ENPP4: variants seen among roughly 807,000 people sequenced by gnomAD.
The protein encoded by ENPP4 is ectonucleotide pyrophosphatase/phosphodiesterase 4.
ENPP4 carries 18 observed loss-of-function variants against 33.4 expected under a neutral mutation model. The ratio of observed to expected loss-of-function variants is 0.54; its 90% CI spans 0.37 to 0.80. The LOEUF (loss-of-function observed/expected upper bound fraction) is 0.80. Ranked by LOEUF, ENPP4 falls within the 30% of genes least tolerant of loss-of-function variation. ENPP4 has a pLI of 0.00. For missense variants in ENPP4, 480 were observed against 541.7 expected (o/e 0.89, Z 1.13); for synonymous variants, 172 against 189.9 (o/e 0.91, Z 0.78).
Position 46,140,180 on chromosome 6 carries a change from TAAAG to T in ENPP4, c.601_604del (p.Glu201ThrfsTer2). 1.9e-6 allele frequency: 3 copies of T among 1,612,542 alleles called. No individual in the cohort carries two copies. The highest frequency in any genetic ancestry group is 8.5e-7 in the Non-Finnish European group (1 of 1,179,060). ...GTGGCCACAAATACGGACCTGAAGA[TAAAG>T]AAAACATGAGCAGAGTGTTGAAAAA... On this transcript the variant is annotated frameshift_variant, in exon 2 of 4. Transcript: ENST00000321037. LOFTEE classifies it high-confidence loss of function.
Position 46,146,563 on chromosome 6 carries a change from CTTAAT to C in ENPP4, c.*2928_*2932del, listed in dbSNP as rs1764142129. 6.6e-6 allele frequency: 1 copy of C among 152,192 alleles called. No homozygotes were observed. The allele number at this position is 152,192 out of a possible 1,614,324, so 9.4% of individuals were successfully genotyped here. The stretch of plus-strand genomic sequence containing the variant: ...CTTTAAAGAAATGTGTATGTAGTGC[CTTAAT>C]TTAAATTAAAATATTTTTGACTGTT... On this transcript the variant is annotated 3_prime_UTR_variant, in exon 4 of 4. Transcript: ENST00000321037.
intron 3 of ENPP4, among the ~76,000 whole-genome samples, 163 bp downstream of exon 3, chr6:46,141,385 A>G (rs1324642068): frequency 6.6e-6 from 1 of 151,714 alleles, no homozygotes; most frequent in African/African-American, 2.4e-5. Flanking sequence ...AGCAATTTAC[A>G]GTAATCACAA....
Position 46,143,841 on chromosome 6 carries a change from G to A in ENPP4, c.*201G>A, listed in dbSNP as rs1261967701. On this transcript the variant is annotated 3_prime_UTR_variant, in exon 4 of 4. Transcript: ENST00000321037. ...AGATAACGCTGACCATAGTAAAATT[G>A]TTAGTAAATCATTAGGTAACATCTT... 1.0e-5 allele frequency: 5 copies of A among 497,360 alleles called. No individual in the cohort carries two copies. The South Asian group carries it at 1.0e-4, about 10-fold the overall frequency. 30.8% of individuals were successfully genotyped at this position (497,360 alleles called of 1,614,324 possible).
At chr6:46,140,525 A>G in intron 2 of ENPP4, 116 bp downstream of exon 2, 1 of 627,600 alleles carries the variant, frequency 1.6e-6, no homozygotes. Flanking sequence ...CCATATACTC[A>G]GAGTGGGATT....
At chr6:46,140,993 CAT>C in intron 2 of ENPP4, 57 bp from the exon 3 acceptor site, 1 of 1,042,906 alleles carries the variant, frequency 9.6e-7, no homozygotes. Context: ...TCTAGTTAGA[CAT>C]ATTTTTTCCT....
At chr6:46,138,188 C>A (rs1764002885) in intron 1 of ENPP4, among the ~76,000 whole-genome samples, 1 of 151,796 alleles carries the variant, frequency 6.6e-6, no homozygotes, top group South Asian at 2.1e-4. Context: ...TTGACTTCAC[C>A]AGAACCTCTA....
rs181396434 is a variant in ENPP4 at position 46,145,764 on chromosome 6, C to G, written c.*2124C>G. ...TTCAACAAGACATTTACCTATTTGT[C>G]TTTCCTTACGTTCTCAAAATATTAA... On this transcript the variant is annotated 3_prime_UTR_variant, in exon 4 of 4. Coordinates refer to ENST00000321037, the MANE Select transcript of ENPP4 (RefSeq NM_014936.5). 19 of 151,954 alleles carry G rather than the reference C, an allele frequency of 1.3e-4. No homozygotes were observed. The highest frequency in any genetic ancestry group is 4.1e-4 in the African/African-American group (17 of 41,506). 9.4% of individuals were successfully genotyped at this position (151,954 alleles called of 1,614,324 possible).
rs1221420912 is a variant in ENPP4, at chr6:46,145,113, A to G, written c.*1473A>G. Reference sequence around the variant, plus strand: ...ATCTTTAAAGTTTTGACAATATAAAATAAACTTGGTAACTGTTTTACAAAT... The same window carrying G: ...ATCTTTAAAGTTTTGACAATATAAAGTAAACTTGGTAACTGTTTTACAAAT... On this transcript the variant is annotated 3_prime_UTR_variant, in exon 4 of 4. Transcript: ENST00000321037. 1 of 388,728 alleles carries G rather than the reference A, an allele frequency of 2.6e-6. No homozygotes were observed. Among genetic ancestry groups the G allele is most frequent in the Admixed American group, 4.5e-5 (1 of 22,460 alleles). The allele number at this position is 388,728 out of a possible 1,614,324, so 24.1% of individuals were successfully genotyped here.
chr6:46,137,346 G>A (rs2127492302), intron 1 of ENPP4, among the ~76,000 whole-genome samples: 1 of 151,958 alleles, frequency 6.6e-6, no homozygotes, highest in Non-Finnish European at 1.5e-5. Flanking sequence ...CTCTGTGATT[G>A]GAAAGAAATA....
At chr6:46,143,006 T>G (rs1003934902) in intron 3 of ENPP4, among the ~76,000 whole-genome samples, 1 of 151,644 alleles carries the variant, frequency 6.6e-6, no homozygotes. Flanking sequence ...TAATTGGTAC[T>G]CGGGCTGAAA....
rs751766694 is a variant in ENPP4, at chr6:46,140,105, G to A, written c.522G>A (p.Ser174=). Residue 174 remains serine (S), a synonymous_variant, in exon 2 of 4, where the codon TCG becomes TCA. Transcript: ENST00000321037. The stretch of plus-strand genomic sequence containing the variant: ...ATATTACTATGTGGCTAAACAATTC[G>A]AACCCACCAGTCACCTTTGCAACAC... ...LNNITMWLNN[S]NPPVTFATLY... The A allele has an allele frequency of 2.7e-5, 44 of 1,612,244 alleles. No homozygotes were observed. The highest frequency in any genetic ancestry group is 3.3e-4 in the Middle Eastern group (2 of 6,076).
At chr6:46,130,709 G>C (rs1763882403) in intron 1 of ENPP4, among the ~76,000 whole-genome samples, 1 of 152,212 alleles carries the variant, frequency 6.6e-6, no homozygotes. Flanking sequence ...TAAAGGGCTG[G>C]ATTAAAAGCA....
In ENPP4 at chr6:46,143,795, G is replaced by GT. The variant is rs1764104879; in HGVS notation, c.*158dup. 1 of 773,228 alleles carries GT rather than the reference G, an allele frequency of 1.3e-6. No individual in the cohort carries two copies. Among genetic ancestry groups the GT allele is most frequent in the Admixed American group, 3.0e-5 (1 of 33,364 alleles). The allele number at this position is 773,228 out of a possible 1,614,324, so 47.9% of individuals were successfully genotyped here. ...TATTACTTTGTTTTCCTTGTGTTTTGTTTCGGTGCATTTGCTAATAAGATA... is the reference window on the plus strand; with the variant it reads ...TATTACTTTGTTTTCCTTGTGTTTTGTTTTCGGTGCATTTGCTAATAAGATA... On this transcript the variant is annotated 3_prime_UTR_variant, in exon 4 of 4. Coordinates refer to ENST00000321037, the MANE Select transcript of ENPP4 (RefSeq NM_014936.5).
In ENPP4 at chr6:46,140,289, A is replaced by G; in HGVS notation, c.706A>G (p.Ser236Gly). ...LWENLNVIIT[S>G]DHGMTQCSQD... ...GGAAAATCTTAATGTGATCATTACA[A>G]GTGATCATGGGATGACCCAGTGTTC... is the stretch of plus-strand genomic sequence containing the variant. Residue 236 changes from serine (S) to glycine (G), a missense_variant, in exon 2 of 4, where the codon AGT becomes GGT. This residue lies in a region of ENPP4 where 227 missense variants were observed against 273.7 expected (regional missense o/e 0.83). Coordinates refer to ENST00000321037, the MANE Select transcript of ENPP4 (RefSeq NM_014936.5). 1 of 1,612,490 alleles carries G rather than the reference A, an allele frequency of 6.2e-7. No individual in the cohort carries two copies.
chr6:46,130,665 AC>A (rs1160961793), intron 1 of ENPP4, among the ~76,000 whole-genome samples: 2 of 152,254 alleles, frequency 1.3e-5, no homozygotes, highest in Admixed American at 6.5e-5. Context: ...AAACAAGCCA[AC>A]CAAACAATAA....
intron 1 of ENPP4, among the ~76,000 whole-genome samples, chr6:46,134,968 C>T (rs551244541): frequency 1.2e-3 from 189 of 152,022 alleles, no homozygotes; most frequent in Non-Finnish European, 2.2e-3. Flanking sequence ...TTTGTGACTG[C>T]GTTCTTACAT....
Position 46,133,244 on chromosome 6 carries a change from T to A in ENPP4, c.-34+3055T>A, listed in dbSNP as rs368327219. On this transcript the variant is annotated intron_variant, in intron 1 of 3. Transcript: ENST00000321037. ...TGTGTATGCTAGAAATTTCTGTGTA[T>A]TTTACAAAATTGGAGAATAATTTAG... is the stretch of plus-strand genomic sequence containing the variant. Among the ~76,000 whole-genome samples the A allele has an allele frequency of 3.1e-4, 47 of 152,320 alleles. No homozygotes were observed. The South Asian group carries it at 8.9e-3, about 29-fold the overall frequency.
Position 46,130,094 on chromosome 6 carries a change from C to T in ENPP4, c.-129C>T, listed in dbSNP as rs1763866972. The T allele has an allele frequency of 6.6e-6, 1 of 152,190 alleles. No individual in the cohort carries two copies. The highest frequency in any genetic ancestry group is 2.1e-4 in the South Asian group (1 of 4,836). 9.4% of individuals were successfully genotyped at this position (152,190 alleles called of 1,614,324 possible). The stretch of plus-strand genomic sequence containing the variant: ...TCAGGAAGAGCTCGGCATCGCCCCT[C>T]TTCCTCCAGGTCCCCCTTCCCCGCA... On this transcript the variant is annotated 5_prime_UTR_variant, in exon 1 of 4. Coordinates refer to ENST00000321037, the MANE Select transcript of ENPP4 (RefSeq NM_014936.5).
intron 1 of ENPP4, among the ~76,000 whole-genome samples, chr6:46,136,932 AGT>A (rs989269399): frequency 6.6e-6 from 1 of 151,976 alleles, no homozygotes; most frequent in Non-Finnish European, 1.5e-5. Context: ...TCCTAGTTAT[AGT>A]GACTTGACAG....
Sources: allele counts gnomAD v4.1 joint callset (sites outside exome capture counted in the v4.1 genomes callset), GRCh38; gene constraint gnomAD v4.1.1; regional missense constraint gnomAD v4.1.1; transcripts MANE v1.5; gene names NCBI Gene and HGNC (gene_info 2026-07-23, HGNC 2026-07-21).